ME1: variants seen among roughly 807,000 people sequenced by gnomAD.
The protein encoded by ME1 is malic enzyme 1.
In ME1, 74 loss-of-function variants were observed where a neutral mutation model predicts 66.4. The observed-to-expected ratio is 1.11, with a 90% CI of 0.92 to 1.35. The LOEUF (loss-of-function observed/expected upper bound fraction) is 1.35, where lower values mean the gene tolerates loss of function less well. Among genes scored for constraint, ME1 ranks in the 40% most tolerant of loss-of-function variants. ME1 has a pLI of 0.00. For missense variants in ME1, 750 were observed against 694.1 expected (o/e 1.08, Z -0.90); for synonymous variants, 251 against 235.6 (o/e 1.07, Z -0.60).
chr6:83,409,113 A>T (rs561128304), intron 1 of ME1, among the ~76,000 whole-genome samples: 1 of 152,230 alleles, frequency 6.6e-6, no homozygotes, highest in African/African-American at 2.4e-5. Context: ...ACAAATAAGG[A>T]AGCAGACCCC....
intron 6 of ME1, among the ~76,000 whole-genome samples, chr6:83,291,060 T>C (rs1767492864): frequency 6.6e-6 from 1 of 152,226 alleles, no homozygotes; most frequent in Admixed American, 6.5e-5. Context: ...CACTGAGTCT[T>C]GACTCTTCAT....
At chr6:83,376,195 T>C (rs1175004517) in intron 3 of ME1, among the ~76,000 whole-genome samples, 2 of 152,086 alleles carry the variant, frequency 1.3e-5, no homozygotes, top group Admixed American at 6.5e-5. Context: ...TTCTCAGTGG[T>C]GTTTATAATA....
At chr6:83,376,794 C>A (rs565891942) in intron 3 of ME1, among the ~76,000 whole-genome samples, 1 of 69,440 alleles carries the variant, frequency 1.4e-5, no homozygotes, top group Non-Finnish European at 3.1e-5. Flanking sequence ...CAGAACCAGA[C>A]CCTGTCTCAC....
chr6:83,303,825 T>C (rs1002886189), intron 6 of ME1, among the ~76,000 whole-genome samples: 1 of 152,166 alleles, frequency 6.6e-6, no homozygotes, highest in African/African-American at 2.4e-5. Context: ...CTCAGAGTGA[T>C]GGAGAGTTCA....
At chr6:83,236,047 A>T (rs1297262674) in intron 9 of ME1, among the ~76,000 whole-genome samples, 10 of 152,066 alleles carry the variant, frequency 6.6e-5, no homozygotes. Flanking sequence ...TATTTTAAAT[A>T]AAAAATAATA....
chr6:83,383,883 C>T (rs1257530390), intron 3 of ME1, among the ~76,000 whole-genome samples: 3 of 151,822 alleles, frequency 2.0e-5, no homozygotes, highest in Admixed American at 2.0e-4. Flanking sequence ...CTTCTATCAA[C>T]TATTTTATAA....
chr6:83,360,868 G>C (rs1215758491), intron 3 of ME1, among the ~76,000 whole-genome samples: 1 of 152,214 alleles, frequency 6.6e-6, no homozygotes, highest in Non-Finnish European at 1.5e-5. Flanking sequence ...CATTGCTTGA[G>C]CAAATTAACA....
At chr6:83,426,502 A>C (rs1329985111) in intron 1 of ME1, among the ~76,000 whole-genome samples, 1 of 152,186 alleles carries the variant, frequency 6.6e-6, no homozygotes, top group African/African-American at 2.4e-5. Flanking sequence ...TGCAGAGGCA[A>C]CTCTAGAGAA....
chr6:83,423,124 C>A (rs1280538162), intron 1 of ME1, among the ~76,000 whole-genome samples: 2 of 149,562 alleles, frequency 1.3e-5, no homozygotes, highest in African/African-American at 2.5e-5. Flanking sequence ...TGATGTATTA[C>A]AAACATATAT....
At chr6:83,340,596 C>A (rs1242553080) in intron 5 of ME1, among the ~76,000 whole-genome samples, 1 of 151,710 alleles carries the variant, frequency 6.6e-6, no homozygotes, top group Non-Finnish European at 1.5e-5. Context: ...TTTACATGAG[C>A]AAAACACAGA....
intron 4 of ME1, 97 bp downstream of exon 4, chr6:83,351,956 GCTAATGAATGC>G: frequency 1.9e-6 from 1 of 538,476 alleles, no homozygotes; most frequent in Non-Finnish European, 3.2e-6. Context: ...CACTAGAAAA[GCTAATGAATGC>G]TACCTATTAT....
At chr6:83,340,261 T>G (rs954771237) in intron 5 of ME1, among the ~76,000 whole-genome samples, 1 of 152,150 alleles carries the variant, frequency 6.6e-6, no homozygotes, top group Non-Finnish European at 1.5e-5. Context: ...CTCCTTTGTT[T>G]TATTGTCTTA....
intron 3 of ME1, among the ~76,000 whole-genome samples, chr6:83,360,656 C>T (rs1170617126): frequency 6.6e-6 from 1 of 152,178 alleles, no homozygotes; most frequent in African/African-American, 2.4e-5. Context: ...ATATCGCATC[C>T]CTGGAGGGAT....
chr6:83,243,577 ACATTATATCGATATAATC>A lies in ME1; in HGVS notation c.815-3959_815-3942del, dbSNP rs1488774360. On this transcript the variant is annotated intron_variant, in intron 7 of 13. Coordinates refer to ENST00000369705, the MANE Select transcript of ME1 (RefSeq NM_002395.6). ...TATATCGATATAATCTATTATAATT[ACATTATATCGATATAATC>A]TATTATAATTACATTATATCGATAT... 4.0e-3 allele frequency among the ~76,000 whole-genome samples: 214 copies of A among 53,284 alleles called. 7 individuals carry two copies. The highest frequency in any genetic ancestry group is 1.0e-2 in the East Asian group (26 of 2,610). The allele number at this position is 53,284 out of a possible 152,430, so 35.0% of individuals were successfully genotyped here.
intron 7 of ME1, among the ~76,000 whole-genome samples, chr6:83,252,833 A>T (rs1351420369): frequency 2.0e-5 from 3 of 152,214 alleles, no homozygotes; most frequent in African/African-American, 7.2e-5. Flanking sequence ...CAAAGAGGTA[A>T]GAAGAAACCA....
intron 3 of ME1, among the ~76,000 whole-genome samples, chr6:83,374,229 G>C (rs1193771778): frequency 6.6e-6 from 1 of 152,168 alleles, no homozygotes; most frequent in Non-Finnish European, 1.5e-5. Flanking sequence ...CAATGTAAAA[G>C]CATTCCTATT....
intron 3 of ME1, among the ~76,000 whole-genome samples, chr6:83,374,143 T>C (rs537989669): frequency 2.6e-5 from 4 of 152,198 alleles, no homozygotes; most frequent in African/African-American, 9.7e-5. Context: ...GGTCAAATGG[T>C]ATTTCTGGTT....
At chr6:83,368,000 CT>C (rs1171667445) in intron 3 of ME1, among the ~76,000 whole-genome samples, 1 of 152,026 alleles carries the variant, frequency 6.6e-6, no homozygotes, top group Non-Finnish European at 1.5e-5. Context: ...CACCTGAACA[CT>C]TAAAGGCCAT....
chr6:83,314,976 C>T (rs1291388560), intron 6 of ME1, among the ~76,000 whole-genome samples: 1 of 152,038 alleles, frequency 6.6e-6, no homozygotes, highest in Non-Finnish European at 1.5e-5. Context: ...CCAGAAAGTA[C>T]AGATTGTCGA....
Sources: allele counts gnomAD v4.1 joint callset (sites outside exome capture counted in the v4.1 genomes callset), GRCh38; gene constraint gnomAD v4.1.1; transcripts MANE v1.5; gene names NCBI Gene and HGNC (gene_info 2026-07-23, HGNC 2026-07-21).